Variants in R3HDM2 observed in about 807,000 individuals in gnomAD.
R3HDM2 encodes the protein R3H domain-containing protein 2.
R3HDM2 carries 38 observed loss-of-function variants against 124.5 expected under a neutral mutation model. The ratio of observed to expected loss-of-function variants is 0.31; its 90% CI spans 0.24 to 0.40. The LOEUF is 0.40. Among genes scored for constraint, R3HDM2 ranks in the 10% least tolerant of loss-of-function variants. The pLI, the probability that R3HDM2 is intolerant of heterozygous loss-of-function variation, is 1.00. For missense variants in R3HDM2, 869 were observed against 1,236.9 expected (o/e 0.70, Z 4.46); for synonymous variants, 391 against 448.0 (o/e 0.87, Z 1.61).
At chr12:57,257,845 C>T (rs2039510592) in intron 21 of R3HDM2, 145 bp downstream of exon 21, 1 of 874,104 alleles carries the variant, frequency 1.1e-6, no homozygotes, top group Non-Finnish European at 1.6e-6. Flanking sequence ...AAGGCCTATA[C>T]AGGGATGTTA....
chr12:57,305,990 A>T (rs2052489421), intron 3 of R3HDM2, among the ~76,000 whole-genome samples: 1 of 152,250 alleles, frequency 6.6e-6, no homozygotes, highest in Admixed American at 6.5e-5. Flanking sequence ...AGAGAAAGAC[A>T]TCATCTGGAT....
At chr12:57,360,024 C>CAT (rs2061708531) in intron 2 of R3HDM2, among the ~76,000 whole-genome samples, 9 of 70,922 alleles carry the variant, frequency 1.3e-4, no homozygotes, top group East Asian at 1.1e-3. Flanking sequence ...TATATATATA[C>CAT]ACACATATAT....
intron 1 of R3HDM2, among the ~76,000 whole-genome samples, chr12:57,406,779 G>A (rs891059601): frequency 2.0e-5 from 3 of 152,110 alleles, no homozygotes; most frequent in Non-Finnish European, 4.4e-5. Flanking sequence ...ATCTGAACCT[G>A]ATCATCTAGA....
At chr12:57,283,718 AACAG>A (rs2138047470) in intron 13 of R3HDM2, 102 bp downstream of exon 13, 1 of 1,130,694 alleles carries the variant, frequency 8.8e-7, no homozygotes, top group South Asian at 1.4e-5. Flanking sequence ...CAGCCTGGGC[AACAG>A]AGGAGACTCT....
intron 2 of R3HDM2, among the ~76,000 whole-genome samples, chr12:57,393,981 A>C (rs2067110546): frequency 6.6e-6 from 1 of 152,190 alleles, no homozygotes; most frequent in African/African-American, 2.4e-5. Context: ...ATAATTCATC[A>C]CTAGCAGACC....
chr12:57,415,217 CTT>C (rs1299855235), intron 1 of R3HDM2: 4 of 152,026 alleles, frequency 2.6e-5, no homozygotes, highest in African/African-American at 9.7e-5. Context: ...GAGAAAAGCT[CTT>C]CTCTTTAGAA....
rs183892473 is a variant in R3HDM2 at position 57,404,320 on chromosome 12, T to C, written c.-105-8502A>G. On this transcript the variant is annotated intron_variant, in intron 1 of 23. Transcript: ENST00000402412. Reference sequence around the variant, plus strand: ...CTCAGGTGATCCACCCGCCTCAGCCTCCCAAAGTGCTAGGATTACAGGCGT... The same window carrying C: ...CTCAGGTGATCCACCCGCCTCAGCCCCCCAAAGTGCTAGGATTACAGGCGT... 6.0e-3 allele frequency among the ~76,000 whole-genome samples: 904 copies of C among 150,514 alleles called. 9 individuals are homozygous for C. The highest frequency in any genetic ancestry group is 0.021 in the African/African-American group (866 of 41,356).
intron 19 of R3HDM2, among the ~76,000 whole-genome samples, chr12:57,266,344 C>T (rs1251824630): frequency 6.6e-6 from 1 of 151,460 alleles, no homozygotes; most frequent in African/African-American, 2.4e-5. Flanking sequence ...GATCCACCCG[C>T]CTTGGCCTCC....
intron 14 of R3HDM2, among the ~76,000 whole-genome samples, chr12:57,270,970 A>C (rs1031638349): frequency 1.3e-5 from 2 of 152,216 alleles, no homozygotes; most frequent in Non-Finnish European, 2.9e-5. Context: ...AAAAAGATTA[A>C]AGAGTCTTTC....
In R3HDM2 at chr12:57,344,528, T is replaced by C. The variant is rs567826783; in HGVS notation, c.-35-34065A>G. Among the ~76,000 whole-genome samples the C allele has an allele frequency of 5.3e-5, 8 of 152,328 alleles. No homozygotes were observed. The South Asian group carries it at 1.4e-3, about 28-fold the overall frequency. On this transcript the variant is annotated intron_variant, in intron 2 of 23. Transcript: ENST00000402412. ...TCAAAACAAGAAGATGATGCAAATG[T>C]TGAAATTAACAACCTCACATGACAA... is the stretch of plus-strand genomic sequence containing the variant.
chr12:57,360,730 T>C (rs1438707813), intron 2 of R3HDM2, among the ~76,000 whole-genome samples: 2 of 151,400 alleles, frequency 1.3e-5, no homozygotes, highest in Non-Finnish European at 2.9e-5. Flanking sequence ...TAAAAGAAAA[T>C]GTGGCTTTTA....
Position 57,366,967 on chromosome 12 carries a change from G to A in R3HDM2, c.-36+28782C>T, listed in dbSNP as rs976920847. Among the ~76,000 whole-genome samples the A allele has an allele frequency of 5.9e-5, 9 of 152,310 alleles. 1 individual carries two copies. In the East Asian group the frequency reaches 1.7e-3, roughly 29 times the overall value. The stretch of plus-strand genomic sequence containing the variant: ...CTCCCAAAGTGCTGGGATTACAGGT[G>A]TGAGCCACCACGCCCAGTCTGGGCT... On this transcript the variant is annotated intron_variant, in intron 2 of 23. Transcript: ENST00000402412.
rs182190994 is a variant in R3HDM2 at position 57,308,024 on chromosome 12, A to T, written c.165+2240T>A. Among the ~76,000 whole-genome samples, 7 of 150,078 alleles carry T rather than the reference A, an allele frequency of 4.7e-5. No individual in the cohort carries two copies. In the East Asian group the frequency reaches 1.4e-3, roughly 30 times the overall value. ...CAGGTCCCCTTCCAAACCCCGAGAC[A>T]TTGTATTTGTATTTCCAGGTGAATT... is the stretch of plus-strand genomic sequence containing the variant. On this transcript the variant is annotated intron_variant, in intron 3 of 23. Transcript: ENST00000402412.
intron 2 of R3HDM2, among the ~76,000 whole-genome samples, chr12:57,326,383 A>G (rs1453433105): frequency 6.6e-6 from 1 of 152,254 alleles, no homozygotes; most frequent in Non-Finnish European, 1.5e-5. Flanking sequence ...TGGTGAATGC[A>G]AAGGAAAAGT....
At position 57,371,263 on chromosome 12, in the gene R3HDM2, G is replaced by A. The variant is rs540065564; in HGVS notation, c.-36+24486C>T. Reference sequence around the variant, plus strand: ...ACTGTTTAAAGAAGTAAAGAACACAGGAGTAGCTGTGTATTCATATATCAA... The same window carrying A: ...ACTGTTTAAAGAAGTAAAGAACACAAGAGTAGCTGTGTATTCATATATCAA... On this transcript the variant is annotated intron_variant, in intron 2 of 23. Transcript: ENST00000402412. Among the ~76,000 whole-genome samples, 17 of 151,518 alleles carry A rather than the reference G, an allele frequency of 1.1e-4. No individual in the cohort carries two copies. In the South Asian group the frequency reaches 3.3e-3, roughly 30 times the overall value.
intron 3 of R3HDM2, chr12:57,304,471 A>G: frequency 2.1e-6 from 2 of 971,810 alleles, no homozygotes; most frequent in South Asian, 4.8e-5. Flanking sequence ...GAGACAGAGT[A>G]CCAGCATGGC....
intron 14 of R3HDM2, among the ~76,000 whole-genome samples, chr12:57,271,935 A>G (rs560298480): frequency 1.2e-3 from 173 of 149,906 alleles, no homozygotes; most frequent in African/African-American, 4.2e-3. Context: ...TCTGTTGTCC[A>G]GGCTGGAGTG....
In R3HDM2 at chr12:57,284,880, G is replaced by C. The variant is rs534359146; in HGVS notation, c.939-824C>G. 2.6e-5 allele frequency among the ~76,000 whole-genome samples: 4 copies of C among 152,242 alleles called. No individual in the cohort carries two copies. In the South Asian group the frequency reaches 8.3e-4, roughly 32 times the overall value. ...GCTCTGTAAACAGCAGGGTTATCTT[G>C]ATGTTATAATCACTGTCTATGATTA... On this transcript the variant is annotated intron_variant, in intron 12 of 23. Coordinates refer to ENST00000402412, the MANE Select transcript of R3HDM2 (RefSeq NM_001394031.1).
intron 14 of R3HDM2, chr12:57,272,455 T>C (rs1305456782): frequency 1.9e-6 from 3 of 1,548,478 alleles, no homozygotes; most frequent in Admixed American, 2.0e-5. Flanking sequence ...GTTTATACCA[T>C]GTTGTACTGC....
Sources: allele counts gnomAD v4.1 joint callset (sites outside exome capture counted in the v4.1 genomes callset), GRCh38; gene constraint gnomAD v4.1.1; transcripts MANE v1.5; gene names NCBI Gene and HGNC (gene_info 2026-07-23, HGNC 2026-07-21).